PPM1A: variants seen among roughly 807,000 people sequenced by gnomAD.
PPM1A encodes protein phosphatase 1A.
PPM1A carries 7 observed loss-of-function variants against 35.0 expected under a neutral mutation model. That is an observed-to-expected ratio of 0.20 (90% CI 0.11 to 0.38). The LOEUF is 0.38. PPM1A is among the 10% of genes least tolerant of loss of function. The probability of loss-of-function intolerance (pLI) is 1.00; values close to 1 mark genes in which losing one functional copy is unlikely to be tolerated. For synonymous variants in PPM1A, 153 were observed against 167.3 expected (o/e 0.91, Z 0.66); for missense variants, 239 against 467.8 (o/e 0.51, Z 4.51).
At chr14:60,247,473 C>CA (rs1881857232), upstream of PPM1A, among the ~76,000 whole-genome samples, 1 of 151,166 alleles carries the variant, frequency 6.6e-6, no homozygotes, top group Non-Finnish European at 1.5e-5. Context: ...ACTAAAAATA[C>CA]AAAAAAATTA....
chr14:60,266,316 A>G (rs1884376897), intron 1 of PPM1A, among the ~76,000 whole-genome samples: 1 of 152,206 alleles, frequency 6.6e-6, no homozygotes, highest in Non-Finnish European at 1.5e-5. Flanking sequence ...GATGCTTAAA[A>G]GACGTTTGCT....
chr14:60,298,917 A>T lies in PPM1A; in HGVS notation c.*6435A>T, dbSNP rs576940457. ...GTATTATGTATTATTTCCTGGTCCA[A>T]AGAAAATATGTGAATTCAGTTCTAA... is the stretch of plus-strand genomic sequence containing the variant. On this transcript the variant is annotated 3_prime_UTR_variant, in exon 6 of 6. Transcript: ENST00000395076. 1.3e-5 allele frequency: 2 copies of T among 151,980 alleles called. No homozygotes were observed. The highest frequency in any genetic ancestry group is 2.4e-5 in the African/African-American group (1 of 41,536). The allele number at this position is 151,980 out of a possible 1,614,324, so 9.4% of individuals were successfully genotyped here.
chr14:60,252,349 T>G (rs967806583), intron 1 of PPM1A, among the ~76,000 whole-genome samples: 2 of 152,250 alleles, frequency 1.3e-5, no homozygotes, highest in Non-Finnish European at 2.9e-5. Context: ...CTCAAATGAT[T>G]ATCTAACTCT....
intron 1 of PPM1A, among the ~76,000 whole-genome samples, chr14:60,266,502 G>C (rs1884396240): frequency 6.6e-6 from 1 of 152,044 alleles, no homozygotes; most frequent in Admixed American, 6.5e-5. Flanking sequence ...TAATACTTCA[G>C]ACTTCAATCT....
chr14:60,272,831 T>C (rs1885325144), intron 1 of PPM1A, among the ~76,000 whole-genome samples: 1 of 152,172 alleles, frequency 6.6e-6, no homozygotes, highest in African/African-American at 2.4e-5. Flanking sequence ...TGGTTTATTC[T>C]CTAATATCTT....
intron 1 of PPM1A, among the ~76,000 whole-genome samples, chr14:60,251,973 T>C (rs1882482542): frequency 6.6e-6 from 1 of 152,202 alleles, no homozygotes; most frequent in South Asian, 2.1e-4. Flanking sequence ...TTTCTGTCAC[T>C]TCAAGCTGGG....
chr14:60,285,476 G>A (rs1383309350), intron 2 of PPM1A, 148 bp from the exon 3 acceptor site: 7 of 724,322 alleles, frequency 9.7e-6, no homozygotes, highest in African/African-American at 7.4e-5. Context: ...ACACACGCAC[G>A]CATGCGTGCA....
At chr14:60,267,510 T>C (rs1283493901) in intron 1 of PPM1A, among the ~76,000 whole-genome samples, 2 of 152,122 alleles carry the variant, frequency 1.3e-5, no homozygotes, top group African/African-American at 4.8e-5. Context: ...GTTTGGACTA[T>C]AGTTTTATTT....
intron 1 of PPM1A, among the ~76,000 whole-genome samples, chr14:60,252,574 C>T (rs547318675): frequency 2.0e-5 from 3 of 152,124 alleles, no homozygotes; most frequent in Non-Finnish European, 4.4e-5. Flanking sequence ...GTTGTGTCTT[C>T]CTCTAAGTAA....
intron 1 of PPM1A, among the ~76,000 whole-genome samples, chr14:60,269,710 G>A (rs1398986456): frequency 2.0e-5 from 3 of 151,968 alleles, no homozygotes; most frequent in Admixed American, 1.3e-4. Context: ...TATTATGCCC[G>A]GCTAATTTTT....
chr14:60,249,158 G>GGGCGA (rs1302231449), upstream of PPM1A: 17 of 896,472 alleles, frequency 1.9e-5, no homozygotes, highest in Admixed American at 6.2e-5. This position sits in a 1 kb window ranked among gnomAD's most constrained non-coding sequence, Gnocchi z 4.5. Flanking sequence ...CAGCGGGGCG[G>GGGCGA]GGCGAGCGGA....
In PPM1A at chr14:60,289,448, G is replaced by GA. The variant is rs1292299708; in HGVS notation, c.953-355dup. Among the ~76,000 whole-genome samples, 4 of 152,022 alleles carry GA rather than the reference G, an allele frequency of 2.6e-5. No individual in the cohort carries two copies. Among genetic ancestry groups the GA allele is most frequent in the Non-Finnish European group, 5.9e-5 (4 of 67,996 alleles). On this transcript the variant is annotated intron_variant, in intron 3 of 5. Coordinates refer to ENST00000395076, the MANE Select transcript of PPM1A (RefSeq NM_021003.5). The surrounding 1 kb of genome is among the most constrained non-coding windows in gnomAD (Gnocchi z 4.1). Reference sequence around the variant, plus strand: ...GTGTATTATATAGGGCAAAGTTCAGGAAACATGTTTCCAGTCTAAAGAGAG... The same window carrying GA: ...GTGTATTATATAGGGCAAAGTTCAGGAAAACATGTTTCCAGTCTAAAGAGAG...
rs574752677 is a variant in PPM1A at position 60,281,477 on chromosome 14, A to G, written c.-20-1207A>G. ...CCTCTCTGAGCTGAGTATCATTAGC[A>G]TCATCAATACCCTAGTTTCAGAGCT... On this transcript the variant is annotated intron_variant, in intron 1 of 5. Coordinates refer to ENST00000395076, the MANE Select transcript of PPM1A (RefSeq NM_021003.5). 1.0e-3 allele frequency among the ~76,000 whole-genome samples: 153 copies of G among 152,312 alleles called. 3 individuals carry two copies. The highest frequency in any genetic ancestry group is 6.8e-3 in the Middle Eastern group (2 of 294).
chr14:60,286,658 A>G, intron 3 of PPM1A: 1 of 985,168 alleles, frequency 1.0e-6, no homozygotes, highest in Non-Finnish European at 1.2e-6. Context: ...TGCCTGCATT[A>G]TTGAAATTAC....
chr14:60,276,690 A>G (rs971862398), intron 1 of PPM1A, among the ~76,000 whole-genome samples: 2 of 152,164 alleles, frequency 1.3e-5, no homozygotes, highest in East Asian at 1.9e-4. Context: ...TTTCTGCTCA[A>G]ATTGTCAGTT....
intron 1 of PPM1A, among the ~76,000 whole-genome samples, chr14:60,257,068 TAAA>T (rs912191249): frequency 1.3e-4 from 20 of 152,352 alleles, no homozygotes; most frequent in African/African-American, 4.6e-4. Context: ...TTTTTAATAT[TAAA>T]AAAGCATAAG....
intron 1 of PPM1A, among the ~76,000 whole-genome samples, chr14:60,263,216 CA>C (rs971295894): frequency 6.8e-5 from 10 of 147,562 alleles, no homozygotes; most frequent in African/African-American, 9.9e-5. Flanking sequence ...GACTCCGTCT[CA>C]AAAAAAAAAG....
upstream of PPM1A, chr14:60,246,110 G>C (rs1183528122): frequency 1.9e-5 from 27 of 1,433,244 alleles, no homozygotes; most frequent in Non-Finnish European, 2.5e-5. Flanking sequence ...CTTGAGTAGT[G>C]ACTGGCTTCA....
At chr14:60,256,840 C>A (rs1177026620) in intron 1 of PPM1A, 1 of 152,130 alleles carries the variant, frequency 6.6e-6, no homozygotes, top group Non-Finnish European at 1.5e-5. Flanking sequence ...TTTGTTGATC[C>A]ATGCGGTTTC....
Sources: gnomAD v4.1 joint callset for allele counts (sites outside exome capture counted in the v4.1 genomes callset) on GRCh38, gnomAD v4.1.1 for gene constraint, Gnocchi (gnomAD v3.1) non-coding constraint, MANE v1.5 for transcripts, NCBI Gene and HGNC (gene_info 2026-07-23, HGNC 2026-07-21) for gene names.